The following ORC4 variants were observed in gnomAD, a reference collection of about 807,000 sequenced individuals.
ORC4 encodes the protein origin recognition complex subunit 4, also known as origin recognition complex, subunit 4 homolog.
Under a neutral mutation model 63.9 loss-of-function variants are expected in ORC4, and 55 were observed. The ratio of observed to expected loss-of-function variants is 0.86; its 90% CI spans 0.69 to 1.08. ORC4 has a LOEUF of 1.08. ORC4 is among the 50% of genes least tolerant of loss of function. The pLI, the probability that ORC4 is intolerant of heterozygous loss-of-function variation, is 0.00. For synonymous variants in ORC4, 150 were observed against 168.5 expected (o/e 0.89, Z 0.85); for missense variants, 511 against 504.4 (o/e 1.01, Z -0.13).
At chr2:147,968,617 T>C (rs545468120) in intron 4 of ORC4, among the ~76,000 whole-genome samples, 15 of 152,080 alleles carry the variant, frequency 9.9e-5, no homozygotes, top group African/African-American at 3.6e-4. Context: ...ATGTCTATTT[T>C]CAGAAAAACA....
chr2:148,007,950 A>C (rs1376930667), intron 1 of ORC4, among the ~76,000 whole-genome samples: 2 of 152,206 alleles, frequency 1.3e-5, no homozygotes, highest in African/African-American at 4.8e-5. Context: ...AGGCCAGAAG[A>C]GAGTAGAATA....
At chr2:147,987,448 T>C (rs1691288782) in intron 1 of ORC4, among the ~76,000 whole-genome samples, 1 of 150,696 alleles carries the variant, frequency 6.6e-6, no homozygotes, top group Admixed American at 6.6e-5. Flanking sequence ...TTTCTACAGC[T>C]ACCATAAGGT....
At chr2:147,956,913 T>C (rs1015288309) in intron 6 of ORC4, among the ~76,000 whole-genome samples, 1 of 151,674 alleles carries the variant, frequency 6.6e-6, no homozygotes, top group Non-Finnish European at 1.5e-5. Flanking sequence ...TGAGCATACT[T>C]AACAAGAACT....
intron 1 of ORC4, among the ~76,000 whole-genome samples, chr2:148,006,929 T>C (rs2627024): frequency 0.037 from 5,587 of 152,288 alleles, 333 homozygotes; most frequent in African/African-American, 0.13. Flanking sequence ...GAAAGACTCC[T>C]GATTGAAGGA....
chr2:148,000,104 A>G (rs1692209534), intron 1 of ORC4, among the ~76,000 whole-genome samples: 1 of 151,802 alleles, frequency 6.6e-6, no homozygotes. Context: ...TAGGTCCAGG[A>G]GGTAGAATGT....
At chr2:147,985,357 C>A (rs1254832944) in intron 1 of ORC4, among the ~76,000 whole-genome samples, 1 of 152,092 alleles carries the variant, frequency 6.6e-6, no homozygotes, top group South Asian at 2.1e-4. Context: ...CCACCATGCC[C>A]GGCTAATTTT....
intron 7 of ORC4, among the ~76,000 whole-genome samples, chr2:147,953,147 TG>T (rs1305846110): frequency 2.1e-5 from 3 of 144,942 alleles, no homozygotes; most frequent in African/African-American, 7.8e-5. Flanking sequence ...CTGGCCAACA[TG>T]GTAAAACCCC....
At chr2:147,958,570 TA>T (rs76972301) in intron 5 of ORC4, 187 bp from the exon 6 acceptor site, 16,809 of 425,336 alleles carry the variant, frequency 0.04, no homozygotes, top group South Asian at 0.052. Context: ...TTAGAATGAT[TA>T]AAAAAAAAAA....
intron 1 of ORC4, among the ~76,000 whole-genome samples, chr2:148,002,055 G>T (rs889550718): frequency 3.9e-5 from 6 of 152,134 alleles, no homozygotes; most frequent in Non-Finnish European, 8.8e-5. Flanking sequence ...AAAAAGAAGT[G>T]CTAACTATCC....
intron 1 of ORC4, among the ~76,000 whole-genome samples, chr2:148,011,646 G>T (rs1227392598): frequency 6.6e-6 from 1 of 152,118 alleles, no homozygotes; most frequent in Non-Finnish European, 1.5e-5. Flanking sequence ...ATGAAATAAA[G>T]GGCATTTAAA....
intron 1 of ORC4, among the ~76,000 whole-genome samples, chr2:148,016,773 T>A (rs1302286379): frequency 6.6e-6 from 1 of 152,242 alleles, no homozygotes; most frequent in Non-Finnish European, 1.5e-5. Flanking sequence ...TAAAGATATG[T>A]TAGAGCCTCG....
intron 1 of ORC4, among the ~76,000 whole-genome samples, chr2:148,020,094 A>G (rs576260663): frequency 6.6e-6 from 1 of 152,212 alleles, no homozygotes; most frequent in Admixed American, 6.5e-5. Flanking sequence ...TGTTGTAGCA[A>G]CAACGCAAGA....
At chr2:148,019,341 G>C (rs1193574265) in intron 1 of ORC4, among the ~76,000 whole-genome samples, 1 of 152,214 alleles carries the variant, frequency 6.6e-6, no homozygotes. Flanking sequence ...TGTAATCCCA[G>C]CACTTTGGGA....
intron 4 of ORC4, among the ~76,000 whole-genome samples, chr2:147,971,703 A>AT (rs1238423846): frequency 6.6e-6 from 1 of 152,082 alleles, no homozygotes; most frequent in Non-Finnish European, 1.5e-5. Context: ...AAAAACCATA[A>AT]TAAAAAACTC....
intron 1 of ORC4, among the ~76,000 whole-genome samples, chr2:147,992,260 C>CT (rs939313714): frequency 7.9e-5 from 12 of 151,906 alleles, no homozygotes; most frequent in African/African-American, 2.2e-4. Context: ...TCAACGAAAA[C>CT]TTTTTTTTGT....
chr2:148,007,357 G>C (rs1468637804), intron 1 of ORC4, among the ~76,000 whole-genome samples: 1 of 152,098 alleles, frequency 6.6e-6, no homozygotes, highest in Non-Finnish European at 1.5e-5. Context: ...CAAGATAAAA[G>C]AGATAAAAAA....
rs1226871750 is a variant in ORC4 at position 147,930,467 on chromosome 2, AATT to A, written c.*5040_*5042del. The A allele has an allele frequency of 6.6e-6, 1 of 152,250 alleles. No individual in the cohort carries two copies. The highest frequency in any genetic ancestry group is 1.5e-5 in the Non-Finnish European group (1 of 67,928). 9.4% of individuals were successfully genotyped at this position (152,250 alleles called of 1,614,324 possible). A position where few individuals can be genotyped will look rare whatever the true frequency, so the allele number is the denominator to read the frequency against. On this transcript the variant is annotated 3_prime_UTR_variant, in exon 14 of 14. Coordinates refer to ENST00000392857, the MANE Select transcript of ORC4 (RefSeq NM_181741.4). Reference sequence around the variant, plus strand: ...GGAACATTTGGTATGATATGCATAAAATTATTTATCCATTTATGGGCAAAATGA... The same window carrying A: ...GGAACATTTGGTATGATATGCATAAAATTTATCCATTTATGGGCAAAATGA...
chr2:148,013,810 A>G (rs969833233), intron 1 of ORC4, among the ~76,000 whole-genome samples: 25 of 152,216 alleles, frequency 1.6e-4, no homozygotes, highest in African/African-American at 6.0e-4. Context: ...AAGAAAGACA[A>G]TTAGGGTTTT....
intron 2 of ORC4, among the ~76,000 whole-genome samples, chr2:147,974,202 G>A (rs1053535762): frequency 1.3e-5 from 2 of 152,106 alleles, no homozygotes; most frequent in Non-Finnish European, 2.9e-5. Context: ...GTTCATTATC[G>A]AGGAAGTTAA....
Sources: allele counts gnomAD v4.1 joint callset (sites outside exome capture counted in the v4.1 genomes callset), GRCh38; gene constraint gnomAD v4.1.1; transcripts MANE v1.5; gene names NCBI Gene and HGNC (gene_info 2026-07-23, HGNC 2026-07-21).